TMEM178B: variants seen among roughly 807,000 people sequenced by gnomAD.
The protein encoded by TMEM178B is transmembrane protein 178B.
Under a neutral mutation model 31.0 loss-of-function variants are expected in TMEM178B, and 5 were observed. That is an observed-to-expected ratio of 0.16 (90% CI 0.08 to 0.34). The LOEUF is 0.34. Ranked by LOEUF, TMEM178B falls within the 10% of genes least tolerant of loss-of-function variation. The probability of loss-of-function intolerance (pLI) is 1.00; values close to 1 mark genes in which losing one functional copy is unlikely to be tolerated. For missense variants in TMEM178B, 275 were observed against 400.3 expected (o/e 0.69, Z 2.67); for synonymous variants, 164 against 164.0 (o/e 1.00, Z 0.00).
chr7:141,146,519 T>C (rs1055630972), intron 1 of TMEM178B, among the ~76,000 whole-genome samples: 3 of 152,228 alleles, frequency 2.0e-5, no homozygotes, highest in Non-Finnish European at 4.4e-5. Flanking sequence ...TTACATCATG[T>C]ATATACAGAG....
chr7:141,395,888 A>G (rs1016330418), intron 2 of TMEM178B, among the ~76,000 whole-genome samples: 4 of 152,130 alleles, frequency 2.6e-5, no homozygotes, highest in African/African-American at 9.7e-5. Flanking sequence ...CACCCACAAA[A>G]TGCCATGATT....
chr7:141,142,635 C>T (rs565328361), intron 1 of TMEM178B, among the ~76,000 whole-genome samples: 2 of 152,246 alleles, frequency 1.3e-5, no homozygotes, highest in East Asian at 3.9e-4. Context: ...TCTCGATCTC[C>T]TGACCTCATG....
intron 2 of TMEM178B, among the ~76,000 whole-genome samples, chr7:141,267,295 G>A (rs780485311): frequency 7.9e-5 from 12 of 152,306 alleles, no homozygotes; most frequent in South Asian, 2.1e-4. Flanking sequence ...TGTTAAATTC[G>A]TTCTCACTAA....
chr7:141,273,874 T>C (rs986945972), intron 2 of TMEM178B, among the ~76,000 whole-genome samples: 1 of 152,230 alleles, frequency 6.6e-6, no homozygotes, highest in African/African-American at 2.4e-5. Flanking sequence ...TTGGATGTAA[T>C]AGGTTTCTCA....
At chr7:141,124,247 A>T (rs1795454297) in intron 1 of TMEM178B, among the ~76,000 whole-genome samples, 1 of 152,046 alleles carries the variant, frequency 6.6e-6, no homozygotes, top group African/African-American at 2.4e-5. Flanking sequence ...TGGGCCTGCA[A>T]TCCCAGCTAC....
At chr7:141,336,401 A>C (rs1453903475) in intron 2 of TMEM178B, among the ~76,000 whole-genome samples, 1 of 152,168 alleles carries the variant, frequency 6.6e-6, no homozygotes, top group African/African-American at 2.4e-5. Flanking sequence ...GAGATCAGTC[A>C]GGAGGAGAAT....
chr7:141,286,191 T>G (rs1034802356), intron 2 of TMEM178B, among the ~76,000 whole-genome samples: 1 of 152,212 alleles, frequency 6.6e-6, no homozygotes, highest in African/African-American at 2.4e-5. Context: ...ACTGATACTA[T>G]CTATATTGTA....
chr7:141,218,078 C>T (rs989499467), intron 2 of TMEM178B, among the ~76,000 whole-genome samples: 3 of 151,592 alleles, frequency 2.0e-5, no homozygotes, highest in African/African-American at 7.3e-5. Context: ...TACTCCCTAC[C>T]CCCAACCCCG....
At chr7:141,497,869 G>C in the TMEM178B span, among the ~76,000 whole-genome samples, 2 of 152,220 alleles carry the variant, frequency 1.3e-5, no homozygotes, top group African/African-American at 4.8e-5. Context: ...GGCTGACGGA[G>C]CAACTACAAC....
intron 2 of TMEM178B, among the ~76,000 whole-genome samples, chr7:141,359,864 G>T (rs1799887158): frequency 6.6e-6 from 1 of 152,218 alleles, no homozygotes; most frequent in Admixed American, 6.5e-5. Context: ...AGGCCTCACA[G>T]TTATGATGAA....
the TMEM178B span, among the ~76,000 whole-genome samples, chr7:141,498,552 A>G: frequency 6.6e-6 from 1 of 152,266 alleles, no homozygotes; most frequent in African/African-American, 2.4e-5. Context: ...AGAATCTTCA[A>G]GTCAACTAGG....
chr7:141,428,778 T>C (rs1399896787), intron 2 of TMEM178B, among the ~76,000 whole-genome samples: 1 of 152,216 alleles, frequency 6.6e-6, no homozygotes, highest in East Asian at 1.9e-4. Flanking sequence ...CTCTTCCAAG[T>C]GTACTTTGCT....
At position 141,128,032 on chromosome 7, in the gene TMEM178B, C is replaced by G. The variant is rs898923494; in HGVS notation, c.382+53340C>G. ...GGCTGTGTGAATTCCAGTTCGCTGG[C>G]TATTTATTCCTGTATTGATAAGGTG... On this transcript the variant is annotated intron_variant, in intron 1 of 3. Transcript: ENST00000565468. Among the ~76,000 whole-genome samples the G allele has an allele frequency of 2.0e-5, 3 of 152,096 alleles. No individual in the cohort carries two copies. In the East Asian group the frequency reaches 5.8e-4, roughly 29 times the overall value.
chr7:141,078,137 A>G (rs1794626994), intron 1 of TMEM178B, among the ~76,000 whole-genome samples: 1 of 152,130 alleles, frequency 6.6e-6, no homozygotes, highest in African/African-American at 2.4e-5. Flanking sequence ...TCTCCCTAGT[A>G]AGTGACTGCA....
intron 2 of TMEM178B, among the ~76,000 whole-genome samples, chr7:141,240,786 G>C (rs1797604092): frequency 6.6e-6 from 1 of 152,172 alleles, no homozygotes; most frequent in African/African-American, 2.4e-5. Flanking sequence ...ACTGCTCTGA[G>C]TTTGTGTGTG....
At chr7:141,420,884 C>T (rs1801195043) in intron 2 of TMEM178B, among the ~76,000 whole-genome samples, 1 of 152,200 alleles carries the variant, frequency 6.6e-6, no homozygotes, top group South Asian at 2.1e-4. Context: ...ACATACATGG[C>T]ATTGAGAATC....
At chr7:141,483,481 A>G (rs1442756083), downstream of TMEM178B, among the ~76,000 whole-genome samples, 1 of 152,160 alleles carries the variant, frequency 6.6e-6, no homozygotes, top group Non-Finnish European at 1.5e-5. Flanking sequence ...GAAAGAGCAC[A>G]GTACTTGAAT....
intron 1 of TMEM178B, among the ~76,000 whole-genome samples, chr7:141,088,999 A>C (rs1490568253): frequency 6.6e-6 from 1 of 152,190 alleles, no homozygotes; most frequent in South Asian, 2.1e-4. Flanking sequence ...TCATTCAACA[A>C]ATATTTACTA....
intron 2 of TMEM178B, among the ~76,000 whole-genome samples, chr7:141,258,844 T>C (rs1797970152): frequency 6.6e-6 from 1 of 152,230 alleles, no homozygotes; most frequent in South Asian, 2.1e-4. Context: ...AGATTATTGT[T>C]CTCCTATATA....
Sources: allele counts gnomAD v4.1 joint callset (sites outside exome capture counted in the v4.1 genomes callset), GRCh38; gene constraint gnomAD v4.1.1; transcripts MANE v1.5; gene names NCBI Gene and HGNC (gene_info 2026-07-23, HGNC 2026-07-21).